Variants in ZNF704 observed in about 807,000 individuals in gnomAD.
ZNF704 encodes the protein glucocorticoid induced gene 1.
In ZNF704, 10 loss-of-function variants were observed where a neutral mutation model predicts 44.7. The ratio of observed to expected loss-of-function variants is 0.22; its 90% CI spans 0.14 to 0.38. The LOEUF (loss-of-function observed/expected upper bound fraction) is 0.38. Ranked by LOEUF, ZNF704 falls within the 10% of genes least tolerant of loss-of-function variation. The pLI, the probability that ZNF704 is intolerant of heterozygous loss-of-function variation, is 1.00. For synonymous variants in ZNF704, 211 were observed against 207.6 expected, an observed-to-expected ratio of 1.02 and a Z score of -0.14; for missense variants, 390 against 545.5, an observed-to-expected ratio of 0.71 and a Z score of 2.84.
intron 7 of ZNF704, chr8:80,645,224 A>G: frequency 6.5e-7 from 1 of 1,533,044 alleles, no homozygotes; most frequent in Non-Finnish European, 8.8e-7. Context: ...TCCCGGAAAA[A>G]GAATGTTTCA....
chr8:80,639,294 T>C lies in ZNF704; in HGVS notation c.*2072A>G, dbSNP rs947295837. On this transcript the variant is annotated 3_prime_UTR_variant, in exon 9 of 9. Coordinates refer to ENST00000327835, the MANE Select transcript of ZNF704 (RefSeq NM_001033723.3). ...CCAAGGCCACTGGGCAATCTGCCCA[T>C]GGCTCAGGGCTTCCTGGACCAGGCC... 6.6e-6 allele frequency: 1 copy of C among 152,260 alleles called. No homozygotes were observed. The highest frequency in any genetic ancestry group is 1.5e-5 in the Non-Finnish European group (1 of 68,082). 9.4% of individuals were successfully genotyped at this position (152,260 alleles called of 1,614,324 possible).
intron 7 of ZNF704, chr8:80,645,136 C>T (rs1817808069): frequency 3.7e-6 from 6 of 1,607,994 alleles, no homozygotes; most frequent in East Asian, 2.2e-5. Context: ...TCCTCGTCGT[C>T]GTATTTGTCC....
intron 4 of ZNF704, among the ~76,000 whole-genome samples, chr8:80,677,577 AG>A (rs1283935738): frequency 4.6e-5 from 7 of 152,204 alleles, no homozygotes; most frequent in Non-Finnish European, 7.3e-5. Context: ...CCCCTGCTAA[AG>A]GTTCCAAAGA....
intron 1 of ZNF704, among the ~76,000 whole-genome samples, chr8:80,873,362 C>G (rs568594017): frequency 6.6e-6 from 1 of 152,186 alleles, no homozygotes; most frequent in South Asian, 2.1e-4. Flanking sequence ...AAGGCGCAGG[C>G]AAATCAACAG....
At chr8:80,727,604 G>T (rs780015531) in intron 2 of ZNF704, among the ~76,000 whole-genome samples, 7 of 152,008 alleles carry the variant, frequency 4.6e-5, no homozygotes, top group Non-Finnish European at 1.0e-4. Flanking sequence ...TGGATGGAGC[G>T]GGTAACGAGG....
intron 6 of ZNF704, among the ~76,000 whole-genome samples, chr8:80,662,962 A>G (rs914230363): frequency 6.6e-6 from 1 of 152,268 alleles, no homozygotes; most frequent in Non-Finnish European, 1.5e-5. Flanking sequence ...CAAGGGTGGG[A>G]GAACATAATT....
At position 80,630,688 on chromosome 8, in the gene ZNF704, A is replaced by T. The variant is rs1817569703; in HGVS notation, c.*10678T>A. ...TGATGATAGTCATGAACCCTTTGGGACCTAGCGATTTTTTCTTATCCTGAG... is the reference window on the plus strand; with the variant it reads ...TGATGATAGTCATGAACCCTTTGGGTCCTAGCGATTTTTTCTTATCCTGAG... On this transcript the variant is annotated 3_prime_UTR_variant, in exon 9 of 9. Coordinates refer to ENST00000327835, the MANE Select transcript of ZNF704 (RefSeq NM_001033723.3). The T allele has an allele frequency of 6.6e-6, 1 of 152,146 alleles. No individual in the cohort carries two copies. Among genetic ancestry groups the T allele is most frequent in the African/African-American group, 2.4e-5 (1 of 41,434 alleles). The allele number at this position is 152,146 out of a possible 1,614,324, so 9.4% of individuals were successfully genotyped here. A position where few individuals can be genotyped will look rare whatever the true frequency, so the allele number is the denominator to read the frequency against.
chr8:80,879,999 G>T, the ZNF704 span, among the ~76,000 whole-genome samples: 1 of 152,172 alleles, frequency 6.6e-6, no homozygotes, highest in Non-Finnish European at 1.5e-5. Flanking sequence ...GGGAAAATTA[G>T]ATGTGGGGCT....
At chr8:80,883,074 C>CAAAAA in the ZNF704 span, among the ~76,000 whole-genome samples, 36 of 43,040 alleles carry the variant, frequency 8.4e-4, no homozygotes, top group Non-Finnish European at 1.1e-3. Context: ...CCTGTCTCTA[C>CAAAAA]AAAAAAAAAA....
intron 2 of ZNF704, chr8:80,814,232 C>T (rs140191524): frequency 1.3e-5 from 2 of 152,268 alleles, no homozygotes; most frequent in East Asian, 1.9e-4. Context: ...TTACAGGTAA[C>T]GGAGGACATT....
At chr8:80,691,297 T>C (rs1440161000) in intron 3 of ZNF704, among the ~76,000 whole-genome samples, 1 of 152,254 alleles carries the variant, frequency 6.6e-6, no homozygotes, top group East Asian at 1.9e-4. Flanking sequence ...TCTCATTCAG[T>C]GGTCTCAGTG....
At chr8:80,712,579 A>G (rs980809577) in intron 2 of ZNF704, among the ~76,000 whole-genome samples, 1 of 152,166 alleles carries the variant, frequency 6.6e-6, no homozygotes, top group East Asian at 1.9e-4. Flanking sequence ...GTTCTGGAGC[A>G]GGGCACAGGA....
chr8:80,667,507 C>T (rs1009691834), intron 5 of ZNF704, among the ~76,000 whole-genome samples: 1 of 152,180 alleles, frequency 6.6e-6, no homozygotes, highest in Non-Finnish European at 1.5e-5. Context: ...TGTTAGTGCT[C>T]TGTGCTCCCT....
At chr8:80,850,052 C>T (rs1335798345) in intron 1 of ZNF704, among the ~76,000 whole-genome samples, 1 of 152,086 alleles carries the variant, frequency 6.6e-6, no homozygotes, top group East Asian at 1.9e-4. Context: ...TTTAGGATTT[C>T]ACACAAATTT....
chr8:80,668,091 A>G (rs1344558424), intron 5 of ZNF704, among the ~76,000 whole-genome samples: 17 of 152,238 alleles, frequency 1.1e-4, no homozygotes, highest in Admixed American at 1.1e-3. Context: ...TTTTCCACAG[A>G]AAGTTTTGAG....
At chr8:80,808,697 T>C (rs1808033571) in intron 2 of ZNF704, among the ~76,000 whole-genome samples, 1 of 152,220 alleles carries the variant, frequency 6.6e-6, no homozygotes, top group African/African-American at 2.4e-5. Context: ...AACGTGATCG[T>C]TTGATACAAT....
intron 1 of ZNF704, among the ~76,000 whole-genome samples, chr8:80,859,368 T>C (rs1008875513): frequency 3.3e-5 from 5 of 152,212 alleles, no homozygotes; most frequent in Non-Finnish European, 7.3e-5. Context: ...TTGTCTCTAA[T>C]ATGGCCACTA....
At chr8:80,826,325 T>C (rs1460975160) in intron 1 of ZNF704, among the ~76,000 whole-genome samples, 1 of 152,106 alleles carries the variant, frequency 6.6e-6, no homozygotes, top group Non-Finnish European at 1.5e-5. Flanking sequence ...CTAGAAAATC[T>C]AGAAGAAATG....
chr8:80,850,920 G>A (rs1342880126), intron 1 of ZNF704, among the ~76,000 whole-genome samples: 2 of 152,154 alleles, frequency 1.3e-5, no homozygotes, highest in South Asian at 2.1e-4. Flanking sequence ...TCAGCCTTCT[G>A]GGCTGGGCTA....
Sources: gnomAD v4.1 joint callset for allele counts (sites outside exome capture counted in the v4.1 genomes callset) on GRCh38, gnomAD v4.1.1 for gene constraint, MANE v1.5 for transcripts, NCBI Gene and HGNC (gene_info 2026-07-23, HGNC 2026-07-21) for gene names.